The following PARVB variants were observed in gnomAD, a reference collection of about 807,000 sequenced individuals.
PARVB encodes parvin beta, also known as beta-parvin.
PARVB carries 46 observed loss-of-function variants against 47.0 expected under a neutral mutation model. The observed-to-expected ratio is 0.98, with a 90% CI of 0.77 to 1.25. The LOEUF (loss-of-function observed/expected upper bound fraction) is 1.25, where lower values mean the gene tolerates loss of function less well. Among genes scored for constraint, PARVB ranks in the 50% most tolerant of loss-of-function variants. The pLI, the probability that PARVB is intolerant of heterozygous loss-of-function variation, is 0.00. For missense variants in PARVB, 473 were observed against 471.6 expected (o/e 1.00, Z -0.03); for synonymous variants, 196 against 196.3 (o/e 1.00, Z 0.01).
chr22:44,130,892 A>G (rs187404997), intron 4 of PARVB, among the ~76,000 whole-genome samples: 1 of 151,996 alleles, frequency 6.6e-6, no homozygotes, highest in Non-Finnish European at 1.5e-5. Flanking sequence ...TCTAAGGAAG[A>G]TTAGTGACCT....
Position 44,160,004 on chromosome 22 carries a change from T to A in PARVB, c.945+1921T>A, listed in dbSNP as rs542468670. Among the ~76,000 whole-genome samples, 3 of 152,240 alleles carry A rather than the reference T, an allele frequency of 2.0e-5. No individual in the cohort carries two copies. In the South Asian group the frequency reaches 6.2e-4, roughly 32 times the overall value. ...CCCCGAGGGTAGTAATGACTTATGG[T>A]TTAAAACAATTGCATTGGATTTAAA... On this transcript the variant is annotated intron_variant, in intron 11 of 12. Transcript: ENST00000338758.
intron 12 of PARVB, among the ~76,000 whole-genome samples, chr22:44,165,491 C>T (rs2054147414): frequency 6.6e-6 from 1 of 152,220 alleles, no homozygotes; most frequent in Non-Finnish European, 1.5e-5. Flanking sequence ...TGCTGCCCTG[C>T]AGCCCTTTTG....
At chr22:44,003,353 C>CA (rs1405755987) in intron 2 of PARVB, among the ~76,000 whole-genome samples, 1 of 152,154 alleles carries the variant, frequency 6.6e-6, no homozygotes, top group Non-Finnish European at 1.5e-5. Context: ...CTGGAAATAC[C>CA]AGAACATCAT....
upstream of PARVB, among the ~76,000 whole-genome samples, chr22:44,021,083 C>G (rs189123312): frequency 1.7e-3 from 265 of 152,302 alleles, no homozygotes; most frequent in Admixed American, 4.2e-3. Context: ...ACGCCTGGCC[C>G]CCCTTTTGGG....
chr22:44,146,291 CCTCACACGCACACACGTGCT>C (rs1569152494), intron 8 of PARVB: 4 of 110,052 alleles, frequency 3.6e-5, no homozygotes, highest in African/African-American at 1.4e-4. Flanking sequence ...TCACACACAA[CCTCACACGCACACACGTGCT>C]CACACACGCA....
intron 1 of PARVB, among the ~76,000 whole-genome samples, chr22:44,088,607 G>A (rs962333286): frequency 5.9e-5 from 9 of 152,158 alleles, no homozygotes; most frequent in African/African-American, 2.2e-4. Flanking sequence ...AAGTAGCTGG[G>A]ATTGCAGGCG....
intron 3 of PARVB, among the ~76,000 whole-genome samples, chr22:44,117,135 C>T (rs2052925054): frequency 1.3e-5 from 2 of 151,784 alleles, no homozygotes; most frequent in Admixed American, 6.6e-5. Flanking sequence ...CTCCCCACCC[C>T]GCCCCGTGGC....
chr22:44,092,415 A>C (rs538451416), intron 1 of PARVB, among the ~76,000 whole-genome samples: 1 of 152,250 alleles, frequency 6.6e-6, no homozygotes, highest in East Asian at 1.9e-4. Context: ...GACCTGGGTT[A>C]TTTCTACTTT....
intron 1 of PARVB, among the ~76,000 whole-genome samples, chr22:44,067,929 G>C (rs1278840458): frequency 3.9e-5 from 6 of 152,158 alleles, no homozygotes; most frequent in Non-Finnish European, 8.8e-5. Flanking sequence ...GGGGACAGGG[G>C]TGACCGGCGG....
intron 4 of PARVB, among the ~76,000 whole-genome samples, chr22:44,122,973 G>A (rs1465114891): frequency 6.6e-6 from 1 of 152,172 alleles, no homozygotes; most frequent in African/African-American, 2.4e-5. Context: ...TCGTGCAGAT[G>A]TTACAGAAAC....
chr22:43,999,231 G>A (rs1312290591), exon 1 of PARVB: 4 of 843,720 alleles, frequency 4.7e-6, no homozygotes, highest in African/African-American at 3.4e-5. Context: ...ACACTTTGAC[G>A]TCCTCCCCAT....
At chr22:44,067,901 C>A (rs937504248) in intron 1 of PARVB, among the ~76,000 whole-genome samples, 1 of 152,158 alleles carries the variant, frequency 6.6e-6, no homozygotes, top group Non-Finnish European at 1.5e-5. Flanking sequence ...TGGTTTGTGC[C>A]GTGGGAGTGG....
At position 44,151,710 on chromosome 22, in the gene PARVB, C is replaced by A. The variant is rs1399035319; in HGVS notation, c.843+159C>A. 2.9e-5 allele frequency: 18 copies of A among 610,388 alleles called. No homozygotes were observed. In the East Asian group the frequency reaches 5.1e-4, roughly 17 times the overall value. 37.8% of individuals were successfully genotyped at this position (610,388 alleles called of 1,614,324 possible). A position where few individuals can be genotyped will look rare whatever the true frequency, so the allele number is the denominator to read the frequency against. On this transcript the variant is annotated intron_variant, in intron 10 of 12. Coordinates refer to ENST00000338758, the MANE Select transcript of PARVB (RefSeq NM_013327.5). ...GAAATAACCACCGTGGCCTTCTCAG[C>A]CCCTCTGTCTTCCTTTCCTGGGGCT... is the stretch of plus-strand genomic sequence containing the variant.
chr22:44,081,204 G>C (rs1010136055), intron 1 of PARVB, among the ~76,000 whole-genome samples: 3 of 152,188 alleles, frequency 2.0e-5, no homozygotes, highest in Non-Finnish European at 4.4e-5. Context: ...GGTTCTTTGA[G>C]TATCTCAGGT....
intron 10 of PARVB, among the ~76,000 whole-genome samples, chr22:44,157,125 G>C (rs4823195): frequency 3.3e-5 from 5 of 152,184 alleles, no homozygotes; most frequent in Non-Finnish European, 5.9e-5. Context: ...CTACCATGTT[G>C]AATAGCAGCT....
At chr22:44,113,246 G>A (rs865934944) in intron 3 of PARVB, 3 of 43,538 alleles carry the variant, frequency 6.9e-5, no homozygotes, top group Admixed American at 2.2e-4. Context: ...TTGTTACTAA[G>A]TAAGGCCCTG....
chr22:44,057,317 G>T (rs906511493), intron 1 of PARVB, among the ~76,000 whole-genome samples: 1 of 152,122 alleles, frequency 6.6e-6, no homozygotes, highest in Non-Finnish European at 1.5e-5. Flanking sequence ...TGAGCCAGTC[G>T]AGTCATATAT....
intron 2 of PARVB, among the ~76,000 whole-genome samples, chr22:44,095,517 A>AG (rs1437598869): frequency 6.6e-6 from 1 of 152,046 alleles, no homozygotes; most frequent in African/African-American, 2.4e-5. Context: ...AAAAAAAAAA[A>AG]AAGAAAAAAA....
rs990859328 is a variant in PARVB at position 44,026,439 on chromosome 22, A to G, written c.112+1988A>G. ...GTGCCTGGCAAACAGAGGGCCACAA[A>G]CCCTCCTTGGATCTAGGCACAGGAA... On this transcript the variant is annotated intron_variant, in intron 1 of 12. Coordinates refer to ENST00000338758, the MANE Select transcript of PARVB (RefSeq NM_013327.5). 2.8e-5 allele frequency: 20 copies of G among 715,854 alleles called. No individual in the cohort carries two copies. The African/African-American group carries it at 3.8e-4, about 14-fold the overall frequency. 44.3% of individuals were successfully genotyped at this position (715,854 alleles called of 1,614,324 possible).
Sources: gnomAD v4.1 joint callset for allele counts (sites outside exome capture counted in the v4.1 genomes callset) on GRCh38, gnomAD v4.1.1 for gene constraint, MANE v1.5 for transcripts, NCBI Gene and HGNC (gene_info 2026-07-23, HGNC 2026-07-21) for gene names.